Variants in CT55 observed in about 807,000 individuals in gnomAD.
CT55 encodes BRCA2-interacting protein.
CT55 carries 1 observed loss-of-function variant against 12.6 expected under a neutral mutation model. That is an observed-to-expected ratio of 0.08 (90% CI 0.03 to 0.38). The LOEUF is 0.38. Among genes scored for constraint, CT55 ranks in the 10% least tolerant of loss-of-function variants. The pLI, the probability that CT55 is intolerant of heterozygous loss-of-function variation, is 0.99. For synonymous variants in CT55, 43 were observed against 49.7 expected (o/e 0.87, Z 0.57); for missense variants, 109 against 135.4 (o/e 0.80, Z 0.97).
At position 135,158,315 on chromosome X, in the gene CT55, A is replaced by C; in HGVS notation, c.425-4T>G. The C allele has an allele frequency of 9.0e-7, 1 of 1,109,576 alleles. No individual in the cohort carries two copies. Among genetic ancestry groups the C allele is most frequent in the Non-Finnish European group, 1.2e-6 (1 of 802,951 alleles). The allele number at this position is 1,109,576 out of a possible 1,213,427, so 91.4% of individuals were successfully genotyped here. ...TCACCCTTATAAGGCACAAAATCTA[A>C]AACAGCCATGGAGAAATGTGAGTGT... On this transcript the variant is annotated splice_region_variant and splice_polypyrimidine_tract_variant and intron_variant, in intron 3 of 5. Transcript: ENST00000276241.
intron 2 of CT55, among the ~76,000 whole-genome samples, chrX:135,166,963 T>C (rs2083588644): frequency 8.9e-6 from 1 of 112,147 alleles, no homozygotes; most frequent in East Asian, 2.8e-4. Flanking sequence ...CAGGAATGAA[T>C]GGAAATATAT....
chrX:135,161,435 A>AAT (rs1442513320), intron 2 of CT55, among the ~76,000 whole-genome samples: 2 of 112,082 alleles, frequency 1.8e-5, no homozygotes, highest in Non-Finnish European at 3.8e-5. Context: ...TCTGTGCACA[A>AAT]ATATATATAC....
chrX:135,166,083 T>C (rs1313484275), intron 2 of CT55, among the ~76,000 whole-genome samples: 2 of 94,845 alleles, frequency 2.1e-5, no homozygotes, highest in Non-Finnish European at 4.1e-5. Context: ...AGACGAACAC[T>C]TCCGAACTCA....
intron 2 of CT55, among the ~76,000 whole-genome samples, chrX:135,161,931 G>A (rs1181889500): frequency 2.7e-5 from 3 of 112,252 alleles, no homozygotes; most frequent in African/African-American, 6.5e-5. Context: ...CAGCACCCTC[G>A]GACCTCTCTG....
Position 135,169,715 on chromosome X carries a change from A to C in CT55, c.158T>G (p.Ile53Ser). ...VTSFCGDYGM[I>S]DESIYFSSDV... ...ACTACTGAAGTAGATCGACTCATCAATCATGCCATAATCACCACAGAAACT... is the reference window on the plus strand; with the variant it reads ...ACTACTGAAGTAGATCGACTCATCACTCATGCCATAATCACCACAGAAACT... The change falls in exon 2 of 6, where the codon ATT becomes AGT. Residue 53 changes from isoleucine to serine, a missense_variant. Transcript: ENST00000276241. 1 of 1,208,619 alleles carries C rather than the reference A, an allele frequency of 8.3e-7. No homozygotes were observed. Among genetic ancestry groups the C allele is most frequent in the Non-Finnish European group, 1.1e-6 (1 of 893,389 alleles).
In CT55 at chrX:135,163,671, C is replaced by T. The variant is rs1247783795; in HGVS notation, c.280-3116G>A. On this transcript the variant is annotated intron_variant, in intron 2 of 5. Transcript: ENST00000276241. Reference sequence around the variant, plus strand: ...AATAATAATGGAGAGCCATCCAAACCCAGAGAAAGTTACAAACGTCTAGGT... The same window carrying T: ...AATAATAATGGAGAGCCATCCAAACTCAGAGAAAGTTACAAACGTCTAGGT... Among the ~76,000 whole-genome samples the T allele has an allele frequency of 2.7e-5, 3 of 111,182 alleles. No homozygotes were observed. The East Asian group carries it at 8.4e-4, about 31-fold the overall frequency.
At chrX:135,168,446 G>A (rs1187860672) in intron 2 of CT55, among the ~76,000 whole-genome samples, 1 of 111,643 alleles carries the variant, frequency 9.0e-6, no homozygotes, top group Non-Finnish European at 1.9e-5. Context: ...TGTGTTGTTA[G>A]GGTGGACAGA....
In CT55 at chrX:135,160,498, C is replaced by T; in HGVS notation, c.337G>A (p.Val113Ile). ...ATAGAAGTAACACATCCAATTAAAA[C>T]TCTGGTTCCTGAGTCTGAGGGTCCA... is the stretch of plus-strand genomic sequence containing the variant. ...GAGPSDSGTR[V>I]LIGCVTSINE... Residue 113 changes from valine to isoleucine, a missense_variant, in exon 3 of 6, where the codon GTT (valine) becomes ATT (isoleucine). Coordinates refer to ENST00000276241, the MANE Select transcript of CT55 (RefSeq NM_001031705.3). 1 of 1,201,316 alleles carries T rather than the reference C, an allele frequency of 8.3e-7. No homozygotes were observed. The highest frequency in any genetic ancestry group is 3.0e-4 in the Middle Eastern group (1 of 3,337).
chrX:135,157,855 C>T (rs1292072650), intron 4 of CT55, among the ~76,000 whole-genome samples: 1 of 49,203 alleles, frequency 2.0e-5, no homozygotes, highest in African/African-American at 8.3e-5. Flanking sequence ...TACTGGTCAG[C>T]TCAAGTCCCA....
chrX:135,160,831 C>T (rs1467165971), intron 2 of CT55, among the ~76,000 whole-genome samples: 3 of 111,589 alleles, frequency 2.7e-5, no homozygotes, highest in Admixed American at 1.9e-4. Flanking sequence ...TACCGTCCTT[C>T]GCCTGCAGAA....
At chrX:135,166,076 C>G (rs1482118785) in intron 2 of CT55, among the ~76,000 whole-genome samples, 1 of 85,039 alleles carries the variant, frequency 1.2e-5, no homozygotes, top group African/African-American at 4.7e-5. Context: ...GGACAAGAGA[C>G]GAACACTTCC....
At chrX:135,169,804 A>T in intron 1 of CT55, 26 bp from the exon 2 acceptor site, 1 of 1,129,299 alleles carries the variant, frequency 8.9e-7, no homozygotes, top group East Asian at 3.0e-5. Context: ...ACAAGGTCAC[A>T]TTATTAGCCT....
intron 2 of CT55, among the ~76,000 whole-genome samples, chrX:135,167,002 T>C (rs782788824): frequency 8.9e-6 from 1 of 112,170 alleles, no homozygotes; most frequent in Admixed American, 9.4e-5. Flanking sequence ...AAGAATAAAA[T>C]ATTGTTAAAA....
At chrX:135,164,485 A>G (rs1556405646) in intron 2 of CT55, among the ~76,000 whole-genome samples, 2 of 112,026 alleles carry the variant, frequency 1.8e-5, no homozygotes, top group Admixed American at 1.9e-4. Flanking sequence ...TCTCTTATCC[A>G]TCAATGAAAA....
chrX:135,161,167 G>A (rs1481921965), intron 2 of CT55, among the ~76,000 whole-genome samples: 2 of 110,469 alleles, frequency 1.8e-5, no homozygotes, highest in African/African-American at 6.6e-5. Context: ...GGGGAGGTTC[G>A]AAAAACCAAG....
chrX:135,158,437 A>G, intron 3 of CT55, 126 bp from the exon 4 acceptor site: 1 of 433,146 alleles, frequency 2.3e-6, no homozygotes, highest in Non-Finnish European at 4.0e-6. Context: ...CATTTTGTGC[A>G]TATTTAAACA....
At chrX:135,170,291 G>A (rs1352085625) in intron 1 of CT55, among the ~76,000 whole-genome samples, 2 of 112,561 alleles carry the variant, frequency 1.8e-5, no homozygotes, top group African/African-American at 6.5e-5. Flanking sequence ...ACAGGTGTGA[G>A]CCACCGCGCC....
intron 2 of CT55, among the ~76,000 whole-genome samples, chrX:135,166,932 G>T (rs781977554): frequency 9.8e-5 from 11 of 112,044 alleles, no homozygotes; most frequent in African/African-American, 3.6e-4. Flanking sequence ...ATAAACCATT[G>T]ACGAAGCAAA....
intron 1 of CT55, 120 bp downstream of exon 1, chrX:135,170,958 G>A (rs1274262888): frequency 9.1e-7 from 1 of 1,095,533 alleles, no homozygotes; most frequent in Non-Finnish European, 1.2e-6. Context: ...GCACGCACAA[G>A]ATGGAGCCAC....
Sources: allele counts gnomAD v4.1 joint callset (sites outside exome capture counted in the v4.1 genomes callset), GRCh38; gene constraint gnomAD v4.1.1; transcripts MANE v1.5; gene names NCBI Gene and HGNC (gene_info 2026-07-23, HGNC 2026-07-21).